The following NUMB variants were observed in gnomAD, a reference collection of about 807,000 sequenced individuals.
NUMB encodes the protein protein numb homolog.
In NUMB, 29 loss-of-function variants were observed where a neutral mutation model predicts 59.7. The observed-to-expected ratio is 0.49, with a 90% CI of 0.36 to 0.66. The LOEUF (loss-of-function observed/expected upper bound fraction) is 0.66. NUMB is among the 30% of genes least tolerant of loss of function. The pLI, the probability that NUMB is intolerant of heterozygous loss-of-function variation, is 0.00. For synonymous variants in NUMB, 288 were observed against 288.2 expected (o/e 1.00, Z 0.01); for missense variants, 723 against 822.0 (o/e 0.88, Z 1.47).
At chr14:73,328,001 G>A (rs1250308336) in intron 4 of NUMB, among the ~76,000 whole-genome samples, 3 of 152,192 alleles carry the variant, frequency 2.0e-5, no homozygotes, top group East Asian at 3.8e-4. Flanking sequence ...TTGGCTGGGC[G>A]TGGTGGCTCA....
At chr14:73,449,059 A>T (rs1344522414) in intron 1 of NUMB, among the ~76,000 whole-genome samples, 1 of 152,176 alleles carries the variant, frequency 6.6e-6, no homozygotes, top group Non-Finnish European at 1.5e-5. Context: ...TATACCCTAA[A>T]CAATACAGTA....
chr14:73,285,262 C>T (rs1346470343), intron 9 of NUMB: 1 of 152,090 alleles, frequency 6.6e-6, no homozygotes, highest in Admixed American at 6.5e-5. Context: ...CCAGTTGAGT[C>T]CCATTCTGAT....
chr14:73,330,417 C>A (rs950678964), intron 4 of NUMB, among the ~76,000 whole-genome samples: 2 of 152,160 alleles, frequency 1.3e-5, no homozygotes, highest in African/African-American at 4.8e-5. Flanking sequence ...TTTCCCTGAT[C>A]AGAAATTTTG....
chr14:73,306,252 G>A (rs1890422018), intron 6 of NUMB, among the ~76,000 whole-genome samples: 1 of 152,212 alleles, frequency 6.6e-6, no homozygotes, highest in Non-Finnish European at 1.5e-5. Context: ...GAACTACACA[G>A]TAAAGGAGAG....
chr14:73,310,286 ATTGTTTTG>A (rs1223328768), intron 6 of NUMB, among the ~76,000 whole-genome samples: 7 of 152,184 alleles, frequency 4.6e-5, no homozygotes, highest in African/African-American at 1.7e-4. Context: ...CAGAAAGCAT[ATTGTTTTG>A]CCAGGTCTGC....
chr14:73,433,983 C>A (rs1334819053), intron 1 of NUMB, among the ~76,000 whole-genome samples: 1 of 152,102 alleles, frequency 6.6e-6, no homozygotes, highest in African/African-American at 2.4e-5. Context: ...ATCCTAGCTA[C>A]TCCAGAGGCT....
At chr14:73,432,150 C>T (rs1055744028) in intron 1 of NUMB, among the ~76,000 whole-genome samples, 2 of 151,940 alleles carry the variant, frequency 1.3e-5, no homozygotes, top group East Asian at 3.9e-4. Context: ...AGAGTATAAG[C>T]AGTACGATAG....
chr14:73,299,313 A>G (rs1479469656), intron 6 of NUMB: 2 of 152,242 alleles, frequency 1.3e-5, no homozygotes, highest in Non-Finnish European at 2.9e-5. Flanking sequence ...TACTCTGTAA[A>G]TATTATTACA....
rs1896819278 is a variant in NUMB at position 73,409,582 on chromosome 14, A to C, written c.-101+355T>G. ...ATCCCTACCAATCAAGCCTTGCTCA[A>C]ACTGCAAATATATGAACAAAATAAA... On this transcript the variant is annotated intron_variant, in intron 2 of 12. Coordinates refer to ENST00000555238, the MANE Select transcript of NUMB (RefSeq NM_001005743.2). The C allele has an allele frequency of 2.0e-5, 3 of 152,408 alleles. No individual in the cohort carries two copies. The East Asian group carries it at 5.8e-4, about 29-fold the overall frequency. The allele number at this position is 152,408 out of a possible 1,614,324, so 9.4% of individuals were successfully genotyped here. A position where few individuals can be genotyped will look rare whatever the true frequency, so the allele number is the denominator to read the frequency against.
intron 1 of NUMB, among the ~76,000 whole-genome samples, chr14:73,445,351 T>C (rs1464769501): frequency 2.0e-5 from 1 of 50,536 alleles, no homozygotes. Flanking sequence ...TGAGACCCTG[T>C]CTCAAAAAAA....
intron 1 of NUMB, among the ~76,000 whole-genome samples, chr14:73,440,764 G>A (rs979345935): frequency 2.1e-5 from 3 of 143,312 alleles, no homozygotes; most frequent in African/African-American, 8.0e-5. Flanking sequence ...GGAGGTGGAG[G>A]TTGCAGTGAG....
chr14:73,451,024 G>A (rs1012362408), intron 1 of NUMB, among the ~76,000 whole-genome samples: 2 of 151,278 alleles, frequency 1.3e-5, no homozygotes, highest in African/African-American at 4.9e-5. Flanking sequence ...CATGCTAGTT[G>A]GCACCTGTAA....
intron 7 of NUMB, among the ~76,000 whole-genome samples, chr14:73,296,441 CAAA>C (rs34343929): frequency 1.3e-4 from 16 of 124,020 alleles, no homozygotes; most frequent in Admixed American, 3.2e-4. Context: ...AACTCCATCT[CAAA>C]AAAAAAAAAA....
At chr14:73,306,109 T>C (rs1320342589) in intron 6 of NUMB, among the ~76,000 whole-genome samples, 1 of 152,198 alleles carries the variant, frequency 6.6e-6, no homozygotes. Flanking sequence ...CTTCAGGATT[T>C]GAGATTGTAC....
chr14:73,291,735 G>C (rs1452547534), intron 8 of NUMB, among the ~76,000 whole-genome samples: 3 of 149,942 alleles, frequency 2.0e-5, no homozygotes, highest in African/African-American at 7.4e-5. Flanking sequence ...CCAGGATGGA[G>C]TCAGTGGCAC....
chr14:73,379,992 T>A (rs1895151161), intron 2 of NUMB, among the ~76,000 whole-genome samples: 1 of 152,316 alleles, frequency 6.6e-6, no homozygotes, highest in South Asian at 2.1e-4. Flanking sequence ...AAATAGATCA[T>A]AAAACAGGGA....
At chr14:73,294,950 TAAA>T (rs61179657) in intron 7 of NUMB, among the ~76,000 whole-genome samples, 1 of 24,386 alleles carries the variant, frequency 4.1e-5, no homozygotes, top group Non-Finnish European at 6.3e-5. Flanking sequence ...AACCCATCTC[TAAA>T]AAAAAAAAAA....
chr14:73,441,393 C>A (rs754496557), intron 1 of NUMB, among the ~76,000 whole-genome samples: 1 of 151,916 alleles, frequency 6.6e-6, no homozygotes, highest in Non-Finnish European at 1.5e-5. Flanking sequence ...ACTAAAGATA[C>A]GAAAATTAGC....
intron 2 of NUMB, among the ~76,000 whole-genome samples, chr14:73,392,980 G>T (rs1013202742): frequency 1.3e-5 from 2 of 152,104 alleles, no homozygotes; most frequent in Non-Finnish European, 1.5e-5. Flanking sequence ...GGGAGGAGGG[G>T]TCACTGCTTA....
Sources: allele counts gnomAD v4.1 joint callset (sites outside exome capture counted in the v4.1 genomes callset), GRCh38; gene constraint gnomAD v4.1.1; transcripts MANE v1.5; gene names NCBI Gene and HGNC (gene_info 2026-07-23, HGNC 2026-07-21).